PRKCA: variants seen among roughly 807,000 people sequenced by gnomAD.
PRKCA encodes protein kinase C alpha type.
PRKCA carries 27 observed loss-of-function variants against 87.0 expected under a neutral mutation model. The observed-to-expected ratio is 0.31, with a 90% CI of 0.23 to 0.43. The LOEUF (loss-of-function observed/expected upper bound fraction) is 0.43, where lower values mean the gene tolerates loss of function less well. Among genes scored for constraint, PRKCA ranks in the 20% least tolerant of loss-of-function variants. PRKCA has a pLI of 1.00. For synonymous variants in PRKCA, 329 were observed against 311.1 expected (o/e 1.06, Z -0.61); for missense variants, 518 against 852.3 (o/e 0.61, Z 4.88).
At chr17:66,692,166 G>A (rs1972802003) in intron 8 of PRKCA, among the ~76,000 whole-genome samples, 1 of 152,184 alleles carries the variant, frequency 6.6e-6, no homozygotes, top group African/African-American at 2.4e-5. Context: ...TGGGGTGGAG[G>A]CTCTGCTCTT....
intron 2 of PRKCA, among the ~76,000 whole-genome samples, chr17:66,307,595 T>A (rs1904887387): frequency 6.6e-6 from 1 of 152,130 alleles, no homozygotes. Flanking sequence ...TCTGCATAAA[T>A]AAAAAATAAG....
chr17:66,496,961 A>G (rs1289593022), intron 3 of PRKCA, among the ~76,000 whole-genome samples: 2 of 152,120 alleles, frequency 1.3e-5, no homozygotes. Context: ...GTTTACTTCT[A>G]AGCTGAAATA....
At chr17:66,399,936 C>T (rs1365229128) in intron 2 of PRKCA, among the ~76,000 whole-genome samples, 3 of 152,112 alleles carry the variant, frequency 2.0e-5, no homozygotes, top group Admixed American at 6.5e-5. Flanking sequence ...CCAGGTTGAG[C>T]ATCCCTAATC....
chr17:66,768,916 TC>T (rs955626752), intron 13 of PRKCA, among the ~76,000 whole-genome samples: 1 of 152,234 alleles, frequency 6.6e-6, no homozygotes, highest in African/African-American at 2.4e-5. Context: ...TGGATTTTTT[TC>T]CTTTGCTTAA....
At chr17:66,306,170 A>G in intron 2 of PRKCA, 43 bp downstream of exon 2, 1 of 1,552,366 alleles carries the variant, frequency 6.4e-7, no homozygotes, top group Non-Finnish European at 8.9e-7. Flanking sequence ...ACAACATGAA[A>G]TAAGCATTCC....
intron 2 of PRKCA, among the ~76,000 whole-genome samples, chr17:66,438,654 A>G (rs188119913): frequency 3.3e-4 from 50 of 152,306 alleles, no homozygotes; most frequent in African/African-American, 8.9e-4. Context: ...TAAAGGAAAG[A>G]GGTTTAATTG....
At chr17:66,580,766 C>T (rs967822371) in intron 3 of PRKCA, among the ~76,000 whole-genome samples, 13 of 152,148 alleles carry the variant, frequency 8.5e-5, no homozygotes, top group Non-Finnish European at 1.3e-4. Flanking sequence ...CATGACGCCA[C>T]CCTGCGCCCT....
chr17:66,486,869 A>G (rs965675749), intron 2 of PRKCA, among the ~76,000 whole-genome samples: 2 of 152,122 alleles, frequency 1.3e-5, no homozygotes, highest in South Asian at 2.1e-4. Flanking sequence ...TTTGATGCAG[A>G]TATCAAAATA....
chr17:66,304,470 C>T (rs907467153), intron 1 of PRKCA, among the ~76,000 whole-genome samples: 2 of 152,182 alleles, frequency 1.3e-5, no homozygotes, highest in South Asian at 4.1e-4. Flanking sequence ...AGAGCTATGG[C>T]TAGGGCTTCT....
At chr17:66,724,325 A>G (rs987409107) in intron 8 of PRKCA, among the ~76,000 whole-genome samples, 1 of 151,614 alleles carries the variant, frequency 6.6e-6, no homozygotes, top group African/African-American at 2.4e-5. Flanking sequence ...AACAGACATC[A>G]TCAGAGCTGA....
At chr17:66,469,468 T>C (rs1915230092) in intron 2 of PRKCA, among the ~76,000 whole-genome samples, 2 of 152,186 alleles carry the variant, frequency 1.3e-5, no homozygotes, top group South Asian at 2.1e-4. Flanking sequence ...ACAACCACAA[T>C]ATAGCACTTT....
intron 2 of PRKCA, among the ~76,000 whole-genome samples, chr17:66,473,849 G>GC (rs1915429985): frequency 6.6e-6 from 1 of 151,986 alleles, no homozygotes; most frequent in Non-Finnish European, 1.5e-5. Context: ...CAGGAGAATC[G>GC]CTTGAACCAG....
chr17:66,613,231 A>T (rs959796769), intron 3 of PRKCA, among the ~76,000 whole-genome samples: 1 of 152,178 alleles, frequency 6.6e-6, no homozygotes, highest in Non-Finnish European at 1.5e-5. Flanking sequence ...CTAGAGCCTG[A>T]TGTTGGCTCT....
intron 8 of PRKCA, among the ~76,000 whole-genome samples, chr17:66,731,884 G>A (rs190081689): frequency 0.03 from 4,164 of 136,616 alleles, 209 homozygotes; most frequent in African/African-American, 0.11. Flanking sequence ...CCCGCCCCCC[G>A]GTTCAAGCGA....
chr17:66,533,405 C>T (rs1967637868), intron 3 of PRKCA, among the ~76,000 whole-genome samples: 1 of 152,180 alleles, frequency 6.6e-6, no homozygotes, highest in Non-Finnish European at 1.5e-5. Flanking sequence ...CTTTTTGGAG[C>T]TCAGTATTGG....
intron 3 of PRKCA, among the ~76,000 whole-genome samples, chr17:66,637,743 G>C (rs1260615528): frequency 6.6e-6 from 1 of 152,162 alleles, no homozygotes; most frequent in Non-Finnish European, 1.5e-5. Context: ...CCAGTCTTTA[G>C]TGTGTCCGCC....
At chr17:66,790,159 G>C (rs1025739793) in intron 16 of PRKCA, among the ~76,000 whole-genome samples, 1 of 152,246 alleles carries the variant, frequency 6.6e-6, no homozygotes, top group African/African-American at 2.4e-5. Flanking sequence ...TGCCAACTGG[G>C]TGGCACACAG....
chr17:66,559,943 T>A (rs1364808499), intron 3 of PRKCA, among the ~76,000 whole-genome samples: 1 of 152,214 alleles, frequency 6.6e-6, no homozygotes, highest in East Asian at 1.9e-4. Context: ...CACCTTCCCC[T>A]TTTAATAAGC....
chr17:66,777,775 G>T, intron 14 of PRKCA: 3 of 985,358 alleles, frequency 3.0e-6, no homozygotes, highest in Non-Finnish European at 3.6e-6. Flanking sequence ...ACGAAGCCAG[G>T]ATCTGTTTCC....
Sources: gnomAD v4.1 joint callset for allele counts (sites outside exome capture counted in the v4.1 genomes callset) on GRCh38, gnomAD v4.1.1 for gene constraint, MANE v1.5 for transcripts, NCBI Gene and HGNC (gene_info 2026-07-23, HGNC 2026-07-21) for gene names.